The following MLLT3 variants were observed in gnomAD, a reference collection of about 807,000 sequenced individuals.
The protein encoded by MLLT3 is protein AF-9.
A neutral mutation model predicts 53.2 loss-of-function variants in MLLT3; 4 were observed. That is an observed-to-expected ratio of 0.08 (90% CI 0.04 to 0.17). MLLT3 has a LOEUF of 0.17. Among genes scored for constraint, MLLT3 ranks in the 10% least tolerant of loss-of-function variants. MLLT3 has a pLI of 1.00. For missense variants in MLLT3, 569 were observed against 684.0 expected, an observed-to-expected ratio of 0.83 and a Z score of 1.87; for synonymous variants, 283 against 230.6, an observed-to-expected ratio of 1.23 and a Z score of -2.06.
intron 2 of MLLT3, among the ~76,000 whole-genome samples, chr9:20,571,030 T>G (rs1819518293): frequency 6.6e-6 from 1 of 152,208 alleles, no homozygotes; most frequent in Non-Finnish European, 1.5e-5. Flanking sequence ...TATCACTCAC[T>G]GAAAATAGAA....
At chr9:20,571,675 G>T (rs1219692389) in intron 2 of MLLT3, among the ~76,000 whole-genome samples, 1 of 152,102 alleles carries the variant, frequency 6.6e-6, no homozygotes, top group East Asian at 1.9e-4. Context: ...CTACTTATGA[G>T]TGAGAACATG....
intron 4 of MLLT3, among the ~76,000 whole-genome samples, chr9:20,428,893 A>G (rs760103760): frequency 1.3e-5 from 2 of 152,154 alleles, no homozygotes; most frequent in African/African-American, 2.4e-5. Flanking sequence ...AAACCTTGGG[A>G]AAAATGTAAC....
At chr9:20,387,698 T>A (rs1268451459) in intron 5 of MLLT3, among the ~76,000 whole-genome samples, 1 of 152,186 alleles carries the variant, frequency 6.6e-6, no homozygotes, top group Non-Finnish European at 1.5e-5. Flanking sequence ...AATGAAAGTC[T>A]CATCAATAAA....
chr9:20,457,010 C>T (rs973358793), intron 2 of MLLT3, among the ~76,000 whole-genome samples: 7 of 152,072 alleles, frequency 4.6e-5, no homozygotes, highest in African/African-American at 1.7e-4. Context: ...TTATTCAAAT[C>T]TTGGTGGAGA....
intron 5 of MLLT3, among the ~76,000 whole-genome samples, chr9:20,390,998 G>A (rs760524200): frequency 6.6e-6 from 1 of 152,170 alleles, no homozygotes; most frequent in Non-Finnish European, 1.5e-5. Context: ...TTACATGCTT[G>A]CATGTAGTAA....
chr9:20,417,921 C>T (rs1822913510), intron 4 of MLLT3, among the ~76,000 whole-genome samples: 1 of 152,180 alleles, frequency 6.6e-6, no homozygotes, highest in African/African-American at 2.4e-5. Flanking sequence ...TTAAGAACCA[C>T]TGACAACTCA....
intron 2 of MLLT3, among the ~76,000 whole-genome samples, chr9:20,550,429 GTGT>G (rs1053464917): frequency 6.6e-6 from 1 of 152,006 alleles, no homozygotes; most frequent in Non-Finnish European, 1.5e-5. Flanking sequence ...CTGTGTGTGT[GTGT>G]TGTTGTTTTT....
At chr9:20,475,492 G>C (rs1824497747) in intron 2 of MLLT3, among the ~76,000 whole-genome samples, 1 of 152,020 alleles carries the variant, frequency 6.6e-6, no homozygotes, top group Admixed American at 6.6e-5. Context: ...TTAAAATTTT[G>C]TTAACATATA....
intron 4 of MLLT3, among the ~76,000 whole-genome samples, chr9:20,423,834 C>T (rs1823077065): frequency 6.6e-6 from 1 of 151,498 alleles, no homozygotes; most frequent in Admixed American, 6.6e-5. Context: ...GTGGTGCATG[C>T]CTGTAGTTCC....
chr9:20,618,814 A>G (rs1820906572), intron 2 of MLLT3, among the ~76,000 whole-genome samples: 1 of 152,084 alleles, frequency 6.6e-6, no homozygotes, highest in Non-Finnish European at 1.5e-5. Flanking sequence ...TGAAGCAGAA[A>G]AACAATGGTA....
At chr9:20,605,947 C>A (rs917119683) in intron 2 of MLLT3, among the ~76,000 whole-genome samples, 1 of 152,054 alleles carries the variant, frequency 6.6e-6, no homozygotes, top group South Asian at 2.1e-4. Flanking sequence ...AATGGATATT[C>A]CTAAACTGAC....
intron 2 of MLLT3, among the ~76,000 whole-genome samples, chr9:20,572,172 G>C (rs1819547324): frequency 1.3e-5 from 2 of 152,150 alleles, no homozygotes; most frequent in African/African-American, 4.8e-5. Flanking sequence ...AACTCACAGA[G>C]GTAGAGAGTG....
At chr9:20,611,052 TA>T (rs1271955377) in intron 2 of MLLT3, among the ~76,000 whole-genome samples, 2 of 152,090 alleles carry the variant, frequency 1.3e-5, no homozygotes, top group African/African-American at 2.4e-5. Flanking sequence ...TTCTTCAATA[TA>T]AAAAAGGTCG....
At chr9:20,354,629 T>A (rs1044677561) in intron 9 of MLLT3, among the ~76,000 whole-genome samples, 179 bp downstream of exon 9, 8 of 152,144 alleles carry the variant, frequency 5.3e-5, no homozygotes, top group Non-Finnish European at 1.2e-4. Flanking sequence ...ACTGAAGATA[T>A]AAACAACACA....
At chr9:20,521,457 T>C (rs1167435135) in intron 2 of MLLT3, among the ~76,000 whole-genome samples, 1 of 112,282 alleles carries the variant, frequency 8.9e-6, no homozygotes, top group African/African-American at 3.7e-5. Context: ...TGTGTGTGTA[T>C]ATGTGTGTGT....
intron 2 of MLLT3, among the ~76,000 whole-genome samples, chr9:20,517,116 G>A (rs1817935590): frequency 6.6e-6 from 1 of 152,010 alleles, no homozygotes; most frequent in Non-Finnish European, 1.5e-5. Context: ...AGACTTCAAG[G>A]AGCTCTTAGC....
intron 8 of MLLT3, among the ~76,000 whole-genome samples, chr9:20,355,159 G>T (rs1587145895): frequency 6.7e-6 from 1 of 150,130 alleles, no homozygotes. Flanking sequence ...AGCTTCCAAG[G>T]CTGCTTCTCT....
chr9:20,579,785 G>A (rs1819743953), intron 2 of MLLT3, among the ~76,000 whole-genome samples: 1 of 152,128 alleles, frequency 6.6e-6, no homozygotes, highest in Admixed American at 6.6e-5. Flanking sequence ...GACAGGACAT[G>A]GTAACAGCAT....
chr9:20,504,523 G>T (rs1400522626), intron 2 of MLLT3, among the ~76,000 whole-genome samples: 2 of 152,140 alleles, frequency 1.3e-5, no homozygotes, highest in African/African-American at 4.8e-5. Context: ...ATGATTTCAT[G>T]TGTATGTGTA....
Sources: gnomAD v4.1 joint callset for allele counts (sites outside exome capture counted in the v4.1 genomes callset) on GRCh38, gnomAD v4.1.1 for gene constraint, MANE v1.5 for transcripts, NCBI Gene and HGNC (gene_info 2026-07-23, HGNC 2026-07-21) for gene names.